Variants in SCEL observed in about 807,000 individuals in gnomAD.
SCEL encodes sciellin.
A neutral mutation model predicts 117.6 loss-of-function variants in SCEL; 113 were observed. The ratio of observed to expected loss-of-function variants is 0.96; its 90% CI spans 0.83 to 1.12. The LOEUF is 1.12. Among genes scored for constraint, SCEL ranks in the 50% most tolerant of loss-of-function variants. SCEL has a pLI of 0.00. For missense variants in SCEL, 785 were observed against 810.8 expected, an observed-to-expected ratio of 0.97 and a Z score of 0.39; for synonymous variants, 270 against 256.2, an observed-to-expected ratio of 1.05 and a Z score of -0.51.
At chr13:77,642,839 T>C (rs2090624129) in intron 32 of SCEL, 31 bp downstream of exon 32, 1 of 1,226,088 alleles carries the variant, frequency 8.2e-7, no homozygotes, top group African/African-American at 1.5e-5. Context: ...ATTTAACACT[T>C]TGGTTAACCT....
intron 3 of SCEL, among the ~76,000 whole-genome samples, chr13:77,559,230 T>C (rs1390222259): frequency 6.6e-6 from 1 of 152,214 alleles, no homozygotes; most frequent in Non-Finnish European, 1.5e-5. Context: ...GCCTAATTCA[T>C]AGGATTATTT....
chr13:77,601,444 T>C (rs917530506), intron 15 of SCEL, among the ~76,000 whole-genome samples: 2 of 152,116 alleles, frequency 1.3e-5, no homozygotes, highest in Non-Finnish European at 2.9e-5. Flanking sequence ...ATCAGAGAGA[T>C]GAAAATGGCA....
intron 5 of SCEL, among the ~76,000 whole-genome samples, chr13:77,564,526 C>A (rs971084903): frequency 2.5e-4 from 38 of 152,186 alleles, no homozygotes; most frequent in African/African-American, 8.9e-4. Context: ...AGTATAAATG[C>A]CACAAATCAA....
At chr13:77,562,317 G>A (rs138108517) in intron 4 of SCEL, among the ~76,000 whole-genome samples, 2 of 152,206 alleles carry the variant, frequency 1.3e-5, no homozygotes, top group African/African-American at 4.8e-5. Flanking sequence ...ATGGCCCTCC[G>A]GCACCTGCTT....
chr13:77,601,991 A>C, intron 15 of SCEL, 74 bp from the exon 16 acceptor site: 1 of 1,160,292 alleles, frequency 8.6e-7, no homozygotes, highest in Non-Finnish European at 1.2e-6. Context: ...TGTCATTACG[A>C]GAGTCTGAAT....
At chr13:77,604,326 A>G (rs199581849) in intron 18 of SCEL, 30 bp from the exon 19 acceptor site, 1 of 1,376,742 alleles carries the variant, frequency 7.3e-7, no homozygotes, top group Admixed American at 2.3e-5. Context: ...CTTTAACATC[A>G]TTCATTAAAA....
intron 9 of SCEL, among the ~76,000 whole-genome samples, chr13:77,573,103 C>T (rs2085735549): frequency 6.6e-6 from 1 of 152,158 alleles, no homozygotes; most frequent in African/African-American, 2.4e-5. Flanking sequence ...GTAGAGGACA[C>T]CTTATTCTAC....
At chr13:77,555,717 C>T in intron 1 of SCEL, 140 bp from the exon 2 acceptor site, 2 of 565,070 alleles carry the variant, frequency 3.5e-6, no homozygotes, top group South Asian at 5.2e-5. Context: ...TTCTTAGGGG[C>T]ACTTTATGTC....
At chr13:77,606,462 G>A (rs2088199232) in intron 19 of SCEL, 1 of 152,122 alleles carries the variant, frequency 6.6e-6, no homozygotes, top group African/African-American at 2.4e-5. Flanking sequence ...ACAAAGGGAG[G>A]GTTGTAATGC....
chr13:77,624,568 A>G (rs1471559843), intron 27 of SCEL, among the ~76,000 whole-genome samples: 1 of 152,198 alleles, frequency 6.6e-6, no homozygotes, highest in African/African-American at 2.4e-5. Flanking sequence ...ACTTCAACAT[A>G]TGAATTTGGG....
chr13:77,604,236 A>T (rs1224508970), intron 18 of SCEL, 120 bp from the exon 19 acceptor site: 1 of 581,508 alleles, frequency 1.7e-6, no homozygotes. Flanking sequence ...AGAGCTTTAA[A>T]AATTTACATT....
At chr13:77,626,904 C>T (rs1457194960) in intron 27 of SCEL, among the ~76,000 whole-genome samples, 1 of 151,826 alleles carries the variant, frequency 6.6e-6, no homozygotes, top group African/African-American at 2.4e-5. Context: ...GACTTCTAAA[C>T]AGTGCTCCTA....
chr13:77,614,933 GAC>G (rs1196545639), intron 24 of SCEL, among the ~76,000 whole-genome samples: 1 of 152,080 alleles, frequency 6.6e-6, no homozygotes, highest in African/African-American at 2.4e-5. Context: ...GAATTCAGTA[GAC>G]ATAGTCAATC....
At chr13:77,596,834 G>A (rs1177651733) in intron 12 of SCEL, among the ~76,000 whole-genome samples, 1 of 152,080 alleles carries the variant, frequency 6.6e-6, no homozygotes, top group African/African-American at 2.4e-5. Flanking sequence ...CCTCACCTAG[G>A]CTGCCTGCTT....
intron 4 of SCEL, 39 bp downstream of exon 4, chr13:77,559,902 A>AT: frequency 6.5e-7 from 1 of 1,544,254 alleles, no homozygotes; most frequent in Non-Finnish European, 8.9e-7. Flanking sequence ...GCAGAAACAC[A>AT]AAGATGGTAG....
At position 77,543,225 on chromosome 13, in the gene SCEL, A is replaced by G. The variant is rs576539772; in HGVS notation, c.-20+7401A>G. On this transcript the variant is annotated intron_variant, in intron 1 of 32. Coordinates refer to ENST00000349847, the MANE Select transcript of SCEL (RefSeq NM_144777.3). ...CAGCCTCCCAAGTAGCTGGGACTAC[A>G]GGCGCCCACCACCACGCCCGGCTAA... Among the ~76,000 whole-genome samples, 944 of 151,284 alleles carry G rather than the reference A, an allele frequency of 6.2e-3. 6 individuals carry two copies. The highest frequency in any genetic ancestry group is 1.0e-2 in the Non-Finnish European group (677 of 67,808).
At chr13:77,626,528 G>T (rs1263116949) in intron 27 of SCEL, among the ~76,000 whole-genome samples, 1 of 152,142 alleles carries the variant, frequency 6.6e-6, no homozygotes, top group Non-Finnish European at 1.5e-5. Context: ...CATGTCAAGG[G>T]AGGGACCTAG....
Position 77,640,724 on chromosome 13 carries a change from T to C in SCEL, c.1887T>C (p.Gly629=). ...DMCTYCRKPL[G]VETKMILDEL... The stretch of plus-strand genomic sequence containing the variant: ...GCACTTACTGCCGAAAACCCTTGGG[T>C]GTAGAAACTAAAATGATTTTAGATG... The change falls in exon 31 of 33, where the codon GGT becomes GGC. Residue 629 remains glycine (G), a synonymous_variant. Transcript: ENST00000349847. 1.2e-6 allele frequency: 2 copies of C among 1,608,096 alleles called. No homozygotes were observed. Among genetic ancestry groups the C allele is most frequent in the Middle Eastern group, 1.7e-4 (1 of 6,032 alleles).
chr13:77,540,006 A>G (rs911941221), intron 1 of SCEL, among the ~76,000 whole-genome samples: 5 of 152,192 alleles, frequency 3.3e-5, no homozygotes, highest in Non-Finnish European at 5.9e-5. Flanking sequence ...AAGAAACTAA[A>G]GACAGTTTTC....
Sources: allele counts gnomAD v4.1 joint callset (sites outside exome capture counted in the v4.1 genomes callset), GRCh38; gene constraint gnomAD v4.1.1; transcripts MANE v1.5; gene names NCBI Gene and HGNC (gene_info 2026-07-23, HGNC 2026-07-21).